The following ATF7IP variants were observed in gnomAD, a reference collection of about 807,000 sequenced individuals.
ATF7IP encodes the protein activating transcription factor 7 interacting protein, also known as activating transcription factor 7-interacting protein 1.
In ATF7IP, 23 loss-of-function variants were observed where a neutral mutation model predicts 106.4. The ratio of observed to expected loss-of-function variants is 0.22; its 90% CI spans 0.16 to 0.31. The LOEUF (loss-of-function observed/expected upper bound fraction) is 0.31. Among genes scored for constraint, ATF7IP ranks in the 10% least tolerant of loss-of-function variants. ATF7IP has a pLI of 1.00. For synonymous variants in ATF7IP, 542 were observed against 539.0 expected, an observed-to-expected ratio of 1.01 and a Z score of -0.08; for missense variants, 1,334 against 1,524.3, an observed-to-expected ratio of 0.88 and a Z score of 2.08.
intron 13 of ATF7IP, among the ~76,000 whole-genome samples, chr12:14,486,179 C>G (rs1427919185): frequency 1.3e-5 from 2 of 152,170 alleles, no homozygotes; most frequent in Non-Finnish European, 2.9e-5. Context: ...CCACTGGACC[C>G]ACTGTAAGTC....
intron 9 of ATF7IP, 188 bp from the exon 10 acceptor site, chr12:14,466,338 T>C (rs1011969826): frequency 1.5e-5 from 8 of 550,944 alleles, no homozygotes; most frequent in Non-Finnish European, 2.2e-5. Flanking sequence ...TATTGTGATC[T>C]GTATAGTAAT....
chr12:14,454,776 C>G (rs766845233), intron 6 of ATF7IP, among the ~76,000 whole-genome samples: 1 of 152,150 alleles, frequency 6.6e-6, no homozygotes, highest in Non-Finnish European at 1.5e-5. Context: ...CAAAAATCCT[C>G]CATCAAATGA....
chr12:14,479,636 G>A (rs186808463), intron 12 of ATF7IP, among the ~76,000 whole-genome samples: 1 of 152,094 alleles, frequency 6.6e-6, no homozygotes, highest in Non-Finnish European at 1.5e-5. Flanking sequence ...TATTGTTGAT[G>A]CAGCAAATGT....
Position 14,436,143 on chromosome 12 carries a change from C to T in ATF7IP, c.1683C>T (p.Asp561=), listed in dbSNP as rs1361446659. The part of the protein sequence containing the change: ...FSRRKRSKSE[D]MDNVQSKRRR... Reference sequence around the variant, plus strand: ...GACGAAAACGTTCTAAATCAGAAGACATGGACAATGTACAGTCTAAACGTC... The same window carrying T: ...GACGAAAACGTTCTAAATCAGAAGATATGGACAATGTACAGTCTAAACGTC... The change falls in exon 4 of 15, where the codon GAC becomes GAT. Residue 561 remains aspartate, a synonymous_variant. Transcript: ENST00000261168. 1 of 1,613,290 alleles carries T rather than the reference C, an allele frequency of 6.2e-7. No individual in the cohort carries two copies. Among genetic ancestry groups the T allele is most frequent in the East Asian group, 2.2e-5 (1 of 44,780 alleles).
At chr12:14,449,214 T>C (rs1410605888) in intron 6 of ATF7IP, among the ~76,000 whole-genome samples, 1 of 152,172 alleles carries the variant, frequency 6.6e-6, no homozygotes, top group East Asian at 1.9e-4. Context: ...AAAGAATCAT[T>C]GCCAAATCCA....
At chr12:14,466,640 G>A in intron 10 of ATF7IP, 50 bp downstream of exon 10, 1 of 1,375,698 alleles carries the variant, frequency 7.3e-7, no homozygotes, top group Non-Finnish European at 1.0e-6. Flanking sequence ...ATGGTCCACA[G>A]GAAAATGAAT....
chr12:14,485,173 T>C (rs1488972254), intron 13 of ATF7IP, among the ~76,000 whole-genome samples: 1 of 152,112 alleles, frequency 6.6e-6, no homozygotes, highest in Non-Finnish European at 1.5e-5. Context: ...CTCAGTAGCA[T>C]GGACCTGTTG....
rs936064007 is a variant in ATF7IP at position 14,499,625 on chromosome 12, T to A, written c.*1552T>A. The A allele has an allele frequency of 6.6e-6, 1 of 152,162 alleles. No homozygotes were observed. The highest frequency in any genetic ancestry group is 2.1e-4 in the South Asian group (1 of 4,822). 9.4% of individuals were successfully genotyped at this position (152,162 alleles called of 1,614,324 possible). On this transcript the variant is annotated 3_prime_UTR_variant, in exon 15 of 15. Coordinates refer to ENST00000261168, the MANE Select transcript of ATF7IP (RefSeq NM_018179.5). ...TTTGTTTTGATGGTGCCAAGTTGAG[T>A]CTGATGTACCCATTGTTAGCTTTGG...
chr12:14,456,710 C>A, intron 7 of ATF7IP, 76 bp downstream of exon 7: 1 of 1,044,940 alleles, frequency 9.6e-7, no homozygotes, highest in Non-Finnish European at 1.4e-6. Flanking sequence ...AAGAATCTTG[C>A]AGTGTAATCA....
Position 14,502,063 on chromosome 12 carries a change from T to C in ATF7IP, c.*3990T>C, listed in dbSNP as rs927468818. 1.3e-5 allele frequency: 2 copies of C among 152,202 alleles called. No individual in the cohort carries two copies. The highest frequency in any genetic ancestry group is 2.4e-5 in the African/African-American group (1 of 41,454). 9.4% of individuals were successfully genotyped at this position (152,202 alleles called of 1,614,324 possible). ...CTTCCTTCCAAATGTTCTCCTTGAC[T>C]TTATTTCTTGGGCCAATTCAGTATC... On this transcript the variant is annotated 3_prime_UTR_variant, in exon 15 of 15. Coordinates refer to ENST00000261168, the MANE Select transcript of ATF7IP (RefSeq NM_018179.5).
chr12:14,484,149 C>A (rs566744454), intron 13 of ATF7IP, among the ~76,000 whole-genome samples: 1 of 152,120 alleles, frequency 6.6e-6, no homozygotes, highest in Admixed American at 6.5e-5. Flanking sequence ...CAGTGTTGGT[C>A]TCTGCTGCTG....
chr12:14,416,532 G>T (rs939050814), intron 1 of ATF7IP, among the ~76,000 whole-genome samples: 1 of 152,142 alleles, frequency 6.6e-6, no homozygotes, highest in African/African-American at 2.4e-5. Flanking sequence ...TACAGCATTT[G>T]TTTTGTCTAT....
At chr12:14,461,224 A>T in intron 9 of ATF7IP, 91 bp downstream of exon 9, 1 of 1,142,612 alleles carries the variant, frequency 8.8e-7, no homozygotes, top group Non-Finnish European at 1.2e-6. Flanking sequence ...GGCTAGCGTT[A>T]TTGGAAGTAC....
chr12:14,450,642 G>A (rs910915947), intron 6 of ATF7IP, among the ~76,000 whole-genome samples: 1 of 151,984 alleles, frequency 6.6e-6, no homozygotes, highest in Non-Finnish European at 1.5e-5. Flanking sequence ...TTTGACTTTG[G>A]TATCAAGGTA....
At chr12:14,450,556 G>T (rs1291927722) in intron 6 of ATF7IP, among the ~76,000 whole-genome samples, 6 of 151,944 alleles carry the variant, frequency 3.9e-5, no homozygotes, top group Non-Finnish European at 5.9e-5. Context: ...TGTTGAATTT[G>T]GTTTGCTAAT....
At chr12:14,449,834 ATGTCTT>A (rs1402752038) in intron 6 of ATF7IP, among the ~76,000 whole-genome samples, 12 of 151,900 alleles carry the variant, frequency 7.9e-5, no homozygotes, top group African/African-American at 2.9e-4. Context: ...TAAACACAGG[ATGTCTT>A]TTCACTTATT....
rs1011724311 is a variant in ATF7IP at position 14,499,440 on chromosome 12, C to T, written c.*1367C>T. The T allele has an allele frequency of 6.6e-6, 1 of 152,182 alleles. No individual in the cohort carries two copies. The highest frequency in any genetic ancestry group is 1.5e-5 in the Non-Finnish European group (1 of 68,040). 9.4% of individuals were successfully genotyped at this position (152,182 alleles called of 1,614,324 possible). On this transcript the variant is annotated 3_prime_UTR_variant, in exon 15 of 15. Transcript: ENST00000261168. ...AGAGATTATGAAAACCATTCTAGTT[C>T]AGTTTATCACCCAAAGCTATCACCC...
intron 1 of ATF7IP, chr12:14,395,376 G>A (rs1009030874): frequency 6.6e-6 from 1 of 152,018 alleles, no homozygotes; most frequent in Admixed American, 6.5e-5. Context: ...TTGGTAGATC[G>A]TTTAATGTTA....
chr12:14,367,155 G>A (rs571898376), intron 1 of ATF7IP, among the ~76,000 whole-genome samples: 1 of 152,146 alleles, frequency 6.6e-6, no homozygotes, highest in African/African-American at 2.4e-5. Flanking sequence ...TGGTTTCTTG[G>A]TTGGTTATAA....
Sources: gnomAD v4.1 joint callset for allele counts (sites outside exome capture counted in the v4.1 genomes callset) on GRCh38, gnomAD v4.1.1 for gene constraint, MANE v1.5 for transcripts, NCBI Gene and HGNC (gene_info 2026-07-23, HGNC 2026-07-21) for gene names.